Variants in PCDH9 observed in about 807,000 individuals in gnomAD.
PCDH9 encodes the protein protocadherin 9.
In PCDH9, 24 loss-of-function variants were observed where a neutral mutation model predicts 70.6. The observed-to-expected ratio is 0.34, with a 90% confidence interval of 0.25 to 0.48. The LOEUF (loss-of-function observed/expected upper bound fraction) is 0.48, where lower values mean the gene tolerates loss of function less well. Ranked by LOEUF, PCDH9 falls within the 20% of genes least tolerant of loss-of-function variation. The probability of loss-of-function intolerance (pLI) is 0.99; values close to 1 mark genes in which losing one functional copy is unlikely to be tolerated. For missense variants in PCDH9, 1,281 were observed against 1,503.6 expected (o/e 0.85, Z 2.45); for synonymous variants, 562 against 558.5 (o/e 1.01, Z -0.09).
intron 2 of PCDH9, chr13:67,205,295 T>G (rs2089311230): frequency 6.6e-6 from 1 of 152,242 alleles, no homozygotes; most frequent in Admixed American, 6.5e-5. Context: ...TCCCAATTTC[T>G]CATTGTCTGG....
chr13:67,216,330 T>C (rs1291704789), intron 2 of PCDH9: 1 of 152,048 alleles, frequency 6.6e-6, no homozygotes, highest in Non-Finnish European at 1.5e-5. Context: ...GTTTATGTCA[T>C]ACTAAAATAT....
intron 4 of PCDH9, among the ~76,000 whole-genome samples, chr13:66,552,929 T>C (rs762728068): frequency 6.6e-6 from 1 of 152,108 alleles, no homozygotes; most frequent in Non-Finnish European, 1.5e-5. Flanking sequence ...CACGTCCTTC[T>C]TCACATGGTG....
At chr13:66,569,368 T>C (rs1465419526) in intron 4 of PCDH9, among the ~76,000 whole-genome samples, 1 of 152,026 alleles carries the variant, frequency 6.6e-6, no homozygotes, top group East Asian at 1.9e-4. Context: ...AAAAATAAAT[T>C]ACAAACTCAC....
chr13:66,819,932 T>G (rs2080680447), intron 3 of PCDH9, among the ~76,000 whole-genome samples: 1 of 152,080 alleles, frequency 6.6e-6, no homozygotes, highest in Non-Finnish European at 1.5e-5. Context: ...GGTTTTACAA[T>G]AATCTCTTTA....
chr13:66,618,284 G>A (rs1264779152), intron 4 of PCDH9, among the ~76,000 whole-genome samples: 1 of 152,140 alleles, frequency 6.6e-6, no homozygotes, highest in East Asian at 1.9e-4. Flanking sequence ...TGGACATTCT[G>A]TATCTCATCT....
intron 4 of PCDH9, among the ~76,000 whole-genome samples, chr13:66,520,143 C>T (rs1326170441): frequency 6.6e-6 from 1 of 152,094 alleles, no homozygotes; most frequent in East Asian, 1.9e-4. Context: ...TACGTCCTTT[C>T]CCTACCTTCA....
intron 4 of PCDH9, among the ~76,000 whole-genome samples, chr13:66,393,506 A>G (rs1297081539): frequency 6.6e-6 from 1 of 152,204 alleles, no homozygotes; most frequent in Non-Finnish European, 1.5e-5. Flanking sequence ...ATGTATGGAC[A>G]TGTTGACAGA....
chr13:67,054,841 A>G (rs2085387476), intron 2 of PCDH9, among the ~76,000 whole-genome samples: 1 of 152,236 alleles, frequency 6.6e-6, no homozygotes, highest in Non-Finnish European at 1.5e-5. Flanking sequence ...TGCATCTGTC[A>G]TATTATCCAG....
intron 2 of PCDH9, among the ~76,000 whole-genome samples, chr13:67,128,148 T>C (rs2087024222): frequency 6.6e-6 from 1 of 152,148 alleles, no homozygotes; most frequent in South Asian, 2.1e-4. Flanking sequence ...CCTACCCTTT[T>C]AGGATGTACC....
intron 2 of PCDH9, among the ~76,000 whole-genome samples, chr13:67,169,043 G>A (rs1285988222): frequency 6.6e-6 from 1 of 152,076 alleles, no homozygotes; most frequent in Non-Finnish European, 1.5e-5. Flanking sequence ...ACATATTCAT[G>A]GGACATCACA....
intron 3 of PCDH9, among the ~76,000 whole-genome samples, chr13:66,708,140 C>T (rs967212564): frequency 1.3e-5 from 2 of 151,308 alleles, no homozygotes; most frequent in Non-Finnish European, 3.0e-5. Flanking sequence ...AGCTCCGCCT[C>T]CCGGGTTCAC....
At position 67,227,420 on chromosome 13, in the gene PCDH9, G is replaced by C. The variant is rs757265687; in HGVS notation, c.1021C>G (p.Arg341Gly). Residue 341 changes from arginine to glycine, a missense_variant, in exon 2 of 5, where the codon CGA becomes GGA. Around this residue, in one of 4 missense-constraint regions of PCDH9, gnomAD observed 798 missense variants for 1,003.1 expected, o/e 0.80. Coordinates refer to ENST00000377865, the MANE Select transcript of PCDH9 (RefSeq NM_203487.3). This position sits in a 1 kb window ranked among gnomAD's most constrained non-coding sequence, Gnocchi z 4.6. ...LASDGSSTPA[R>G]ATVTINVTDV... is the part of the protein sequence containing the mutation. ...GTGACATTGATGGTAACCGTTGCTC[G>C]AGCAGGAGTGGAGCTGCCGTCACTA... The C allele has an allele frequency of 2.5e-6, 4 of 1,613,728 alleles. No homozygotes were observed. Among genetic ancestry groups the C allele is most frequent in the Non-Finnish European group, 3.4e-6 (4 of 1,179,666 alleles).
intron 4 of PCDH9, among the ~76,000 whole-genome samples, chr13:66,334,906 G>A (rs766038954): frequency 6.6e-6 from 1 of 151,930 alleles, no homozygotes; most frequent in Non-Finnish European, 1.5e-5. Flanking sequence ...ATATTTTACA[G>A]CATATTTTTA....
At chr13:67,143,234 AT>A (rs2087440660) in intron 2 of PCDH9, among the ~76,000 whole-genome samples, 1 of 152,120 alleles carries the variant, frequency 6.6e-6, no homozygotes, top group Non-Finnish European at 1.5e-5. Context: ...TTAATAACTC[AT>A]TTTTACAAAA....
rs1594307585 is a variant in PCDH9 at position 66,954,403 on chromosome 13, C to G, written c.3037-50798G>C. Among the ~76,000 whole-genome samples, 6 of 151,480 alleles carry G rather than the reference C, an allele frequency of 4.0e-5. No homozygotes were observed. In the South Asian group the frequency reaches 1.0e-3, roughly 26 times the overall value. ...CACAAAAACACTCTCCTAGTGATTT[C>G]AGATTTAACCTGGGCCCATGGCTCT... On this transcript the variant is annotated intron_variant, in intron 2 of 4. Transcript: ENST00000377865.
At chr13:66,860,396 T>C (rs2081463349) in intron 3 of PCDH9, among the ~76,000 whole-genome samples, 1 of 152,182 alleles carries the variant, frequency 6.6e-6, no homozygotes, top group African/African-American at 2.4e-5. Flanking sequence ...AGCTTGCTGG[T>C]GAACATAGCT....
rs374183586 is a variant in PCDH9 at position 66,936,578 on chromosome 13, G to A, written c.3037-32973C>T. Among the ~76,000 whole-genome samples the A allele has an allele frequency of 9.9e-5, 15 of 152,220 alleles. No individual in the cohort carries two copies. In the East Asian group the frequency reaches 2.1e-3, roughly 22 times the overall value. On this transcript the variant is annotated intron_variant, in intron 2 of 4. Transcript: ENST00000377865. ...GTTGAAACTAAAGTGAAATAAGATG[G>A]TGCGTGGAAACAAAATCTCTTTACA...
chr13:67,186,696 T>C (rs2088768563), intron 2 of PCDH9, among the ~76,000 whole-genome samples: 2 of 152,106 alleles, frequency 1.3e-5, no homozygotes, highest in African/African-American at 4.8e-5. Flanking sequence ...ATATTACATA[T>C]CCCATTATTA....
chr13:66,932,681 T>TATATACAC (rs1313632174), intron 2 of PCDH9, among the ~76,000 whole-genome samples: 144 of 114,838 alleles, frequency 1.3e-3, no homozygotes, highest in African/African-American at 4.2e-3. Flanking sequence ...TATATATATA[T>TATATACAC]ACACACACAC....
Sources: gnomAD v4.1 joint callset for allele counts (sites outside exome capture counted in the v4.1 genomes callset) on GRCh38, gnomAD v4.1.1 for gene constraint, gnomAD v4.1.1 regional missense constraint, Gnocchi (gnomAD v3.1) non-coding constraint, MANE v1.5 for transcripts, NCBI Gene and HGNC (gene_info 2026-07-23, HGNC 2026-07-21) for gene names.